The following IGSF11 variants were observed in gnomAD, a reference collection of about 807,000 sequenced individuals.
IGSF11 encodes the protein immunoglobulin superfamily member 11.
Under a neutral mutation model 41.0 loss-of-function variants are expected in IGSF11, and 22 were observed. The ratio of observed to expected loss-of-function variants is 0.54; its 90% CI spans 0.38 to 0.77. The LOEUF (loss-of-function observed/expected upper bound fraction) is 0.77. Among genes scored for constraint, IGSF11 ranks in the 30% least tolerant of loss-of-function variants. IGSF11 has a pLI of 0.00. For missense variants in IGSF11, 444 were observed against 530.8 expected, an observed-to-expected ratio of 0.84 and a Z score of 1.61; for synonymous variants, 219 against 201.3, an observed-to-expected ratio of 1.09 and a Z score of -0.74.
chr3:118,931,737 ATTT>A (rs35532396), intron 1 of IGSF11, among the ~76,000 whole-genome samples: 1 of 142,892 alleles, frequency 7.0e-6, no homozygotes, highest in Non-Finnish European at 1.5e-5. Flanking sequence ...AAAGTCACTG[ATTT>A]TTTTTTTTTT....
intron 1 of IGSF11, among the ~76,000 whole-genome samples, chr3:118,937,380 A>G (rs1943363441): frequency 1.3e-5 from 2 of 152,184 alleles, no homozygotes; most frequent in Non-Finnish European, 2.9e-5. Flanking sequence ...GGAATACCAC[A>G]ATTCTCTAGT....
intron 4 of IGSF11, among the ~76,000 whole-genome samples, chr3:118,908,900 A>G (rs1054810523): frequency 6.6e-6 from 1 of 152,166 alleles, no homozygotes; most frequent in African/African-American, 2.4e-5. Flanking sequence ...TACTGGTCAT[A>G]TGGTCTTGAG....
At chr3:119,121,822 A>T (rs2077337187) in intron 1 of IGSF11, among the ~76,000 whole-genome samples, 1 of 152,214 alleles carries the variant, frequency 6.6e-6, no homozygotes, top group African/African-American at 2.4e-5. Context: ...GAGAAAAACA[A>T]CCTACCATGT....
At chr3:119,088,460 TTCA>T (rs1327791008) in intron 1 of IGSF11, among the ~76,000 whole-genome samples, 4 of 150,448 alleles carry the variant, frequency 2.7e-5, no homozygotes, top group African/African-American at 9.7e-5. Flanking sequence ...CCTAAACACC[TTCA>T]TCAAGAAGTT....
intron 3 of IGSF11, among the ~76,000 whole-genome samples, chr3:118,926,959 T>C (rs1384696826): frequency 6.6e-6 from 1 of 152,158 alleles, no homozygotes; most frequent in Non-Finnish European, 1.5e-5. Flanking sequence ...GGAATACAGA[T>C]GGTAGAGTTT....
At chr3:118,987,376 G>C (rs984816264) in intron 1 of IGSF11, among the ~76,000 whole-genome samples, 2 of 152,186 alleles carry the variant, frequency 1.3e-5, no homozygotes, top group African/African-American at 4.8e-5. Flanking sequence ...AGGGACACTG[G>C]GAACAAATGG....
intron 1 of IGSF11, among the ~76,000 whole-genome samples, chr3:118,938,837 T>C (rs951367506): frequency 2.6e-5 from 4 of 152,038 alleles, no homozygotes; most frequent in African/African-American, 9.7e-5. Flanking sequence ...AAAACAGGCA[T>C]AGAGAGGGAT....
At chr3:118,985,913 G>A (rs540022772) in intron 1 of IGSF11, among the ~76,000 whole-genome samples, 1 of 152,070 alleles carries the variant, frequency 6.6e-6, no homozygotes, top group Admixed American at 6.6e-5. Context: ...CCTCAGTATA[G>A]AGCCTTGAAA....
intron 1 of IGSF11, among the ~76,000 whole-genome samples, chr3:118,936,893 AC>A (rs1943321193): frequency 6.6e-6 from 1 of 152,220 alleles, no homozygotes; most frequent in Non-Finnish European, 1.5e-5. Context: ...AAGAGAACAG[AC>A]AATGGACATT....
At chr3:119,119,264 C>A (rs180685339) in intron 1 of IGSF11, among the ~76,000 whole-genome samples, 1 of 152,328 alleles carries the variant, frequency 6.6e-6, no homozygotes, top group Non-Finnish European at 1.5e-5. Flanking sequence ...GGGACTTAAA[C>A]TTCCACATGG....
At chr3:118,945,233 T>C (rs979672272) in intron 1 of IGSF11, among the ~76,000 whole-genome samples, 1 of 151,672 alleles carries the variant, frequency 6.6e-6, no homozygotes, top group Non-Finnish European at 1.5e-5. Flanking sequence ...GGAAAGAAAA[T>C]AGCATGTATT....
intron 1 of IGSF11, among the ~76,000 whole-genome samples, chr3:119,133,683 C>A (rs559192399): frequency 2.1e-3 from 317 of 152,228 alleles, no homozygotes; most frequent in African/African-American, 7.3e-3. Flanking sequence ...CTATTCCAAT[C>A]AATAGAAAAA....
chr3:118,926,331 T>TC (rs1359020506), intron 3 of IGSF11, 75 bp from the exon 4 acceptor site: 2 of 1,203,310 alleles, frequency 1.7e-6, no homozygotes, highest in East Asian at 5.0e-5. Context: ...ACATCAACAT[T>TC]CAGTACATTG....
upstream of IGSF11, among the ~76,000 whole-genome samples, chr3:119,106,758 C>G (rs1408934738): frequency 6.6e-6 from 1 of 151,630 alleles, no homozygotes; most frequent in Non-Finnish European, 1.5e-5. Flanking sequence ...CCACAACAGT[C>G]CCCACAGTGT....
intron 4 of IGSF11, among the ~76,000 whole-genome samples, chr3:118,914,237 G>C (rs1428140009): frequency 3.3e-5 from 5 of 152,138 alleles, no homozygotes; most frequent in African/African-American, 1.2e-4. Flanking sequence ...TTAATAAATA[G>C]AAAATCGGGG....
chr3:119,110,189 G>A (rs970975611), upstream of IGSF11, among the ~76,000 whole-genome samples: 5 of 152,170 alleles, frequency 3.3e-5, 1 homozygote, highest in East Asian at 3.9e-4. Context: ...TGACAGTGGG[G>A]TGTTAAAGTC....
At chr3:119,027,198 A>G (rs1939909238) in intron 1 of IGSF11, among the ~76,000 whole-genome samples, 1 of 152,234 alleles carries the variant, frequency 6.6e-6, no homozygotes. Context: ...CTCAAAGTAC[A>G]AGATAAACCA....
upstream of IGSF11, among the ~76,000 whole-genome samples, chr3:119,107,497 A>G (rs1306555093): frequency 2.0e-5 from 3 of 152,242 alleles, no homozygotes; most frequent in East Asian, 5.8e-4. Context: ...GCCCTTTGTC[A>G]GGTGAGTAGG....
At chr3:119,144,360 C>T (rs1301161665) in intron 1 of IGSF11, among the ~76,000 whole-genome samples, 1 of 152,204 alleles carries the variant, frequency 6.6e-6, no homozygotes, top group African/African-American at 2.4e-5. Context: ...AATACACATT[C>T]TTTCCATGGA....
Sources: gnomAD v4.1 joint callset for allele counts (sites outside exome capture counted in the v4.1 genomes callset) on GRCh38, gnomAD v4.1.1 for gene constraint, MANE v1.5 for transcripts, NCBI Gene and HGNC (gene_info 2026-07-23, HGNC 2026-07-21) for gene names.